The following PAK2 variants were observed in gnomAD, a reference collection of about 807,000 sequenced individuals.
PAK2 encodes the protein serine/threonine-protein kinase PAK 2.
In PAK2, 21 loss-of-function variants were observed where a neutral mutation model predicts 65.9. The observed-to-expected ratio is 0.32, with a 90% CI of 0.23 to 0.46. PAK2 has a LOEUF of 0.46. Ranked by LOEUF, PAK2 falls within the 20% of genes least tolerant of loss-of-function variation. The probability of loss-of-function intolerance (pLI) is 1.00; values close to 1 mark genes in which losing one functional copy is unlikely to be tolerated. For synonymous variants in PAK2, 204 were observed against 219.7 expected (o/e 0.93, Z 0.63); for missense variants, 324 against 642.6 (o/e 0.50, Z 5.36).
At chr3:196,810,959 C>T (rs1715763493) in intron 8 of PAK2, among the ~76,000 whole-genome samples, 2 of 151,942 alleles carry the variant, frequency 1.3e-5, no homozygotes, top group Non-Finnish European at 2.9e-5. Context: ...TACTGCATGA[C>T]TATAAGCAAT....
chr3:196,800,534 C>T (rs746011327), intron 2 of PAK2, among the ~76,000 whole-genome samples: 3 of 152,024 alleles, frequency 2.0e-5, no homozygotes, highest in Non-Finnish European at 4.4e-5. Context: ...CCTCGATTAC[C>T]CAAACAGCTT....
At chr3:196,766,648 C>CA (rs1714178510) in intron 1 of PAK2, among the ~76,000 whole-genome samples, 1 of 151,912 alleles carries the variant, frequency 6.6e-6, no homozygotes, top group Admixed American at 6.6e-5. Flanking sequence ...GCGAATATAC[C>CA]AAAAATATAT....
At chr3:196,777,149 G>A (rs966927167) in intron 1 of PAK2, among the ~76,000 whole-genome samples, 4 of 152,128 alleles carry the variant, frequency 2.6e-5, no homozygotes, top group Non-Finnish European at 4.4e-5. Context: ...TGTATGACAT[G>A]TAATGGGTTT....
rs1711612100 is a variant in PAK2 at position 196,820,591 on chromosome 3, T to G, written c.1350+24T>G. 7.7e-7 allele frequency: 1 copy of G among 1,291,184 alleles called. No homozygotes were observed. 80.0% of individuals were successfully genotyped at this position (1,291,184 alleles called of 1,614,324 possible). ...GGGTAAGATGAGTTAAACACCAGCCTTGTTCAATGTTTTTCTTTGAAACTC... is the reference window on the plus strand; with the variant it reads ...GGGTAAGATGAGTTAAACACCAGCCGTGTTCAATGTTTTTCTTTGAAACTC... On this transcript the variant is annotated intron_variant, in intron 13 of 14. Transcript: ENST00000327134. The surrounding 1 kb of genome is among the most constrained non-coding windows in gnomAD (Gnocchi z 4.6).
chr3:196,801,528 A>G (rs762245527), intron 2 of PAK2, among the ~76,000 whole-genome samples: 1 of 152,198 alleles, frequency 6.6e-6, no homozygotes. Context: ...CTTTGATCCT[A>G]ATATGTTTTA....
intron 4 of PAK2, among the ~76,000 whole-genome samples, chr3:196,803,547 G>A (rs957640549): frequency 3.9e-5 from 6 of 152,138 alleles, no homozygotes; most frequent in Admixed American, 2.6e-4. Context: ...TATTGTTAGC[G>A]GGACAAGAGG....
chr3:196,767,760 C>T (rs900825426), intron 1 of PAK2, among the ~76,000 whole-genome samples: 2 of 152,088 alleles, frequency 1.3e-5, no homozygotes, highest in African/African-American at 4.8e-5. Flanking sequence ...TCCCAGAGTG[C>T]TGGGATTACA....
intron 12 of PAK2, among the ~76,000 whole-genome samples, chr3:196,819,028 C>A (rs73076610): frequency 6.6e-6 from 1 of 151,898 alleles, no homozygotes; most frequent in South Asian, 2.1e-4. Flanking sequence ...ACTTACATAC[C>A]GCAGTAAGTA....
chr3:196,813,427 C>A (rs184072744), intron 10 of PAK2, among the ~76,000 whole-genome samples: 2,589 of 143,238 alleles, frequency 0.018, 154 homozygotes, highest in Admixed American at 0.12. Flanking sequence ...CACTGCACTC[C>A]AGCCTGGGCA....
At chr3:196,763,725 GTAT>G (rs757682475) in intron 1 of PAK2, among the ~76,000 whole-genome samples, 2 of 152,222 alleles carry the variant, frequency 1.3e-5, no homozygotes, top group African/African-American at 2.4e-5. Context: ...ATATAGACAA[GTAT>G]TATTGTCTAT....
intron 4 of PAK2, 145 bp from the exon 5 acceptor site, chr3:196,805,207 A>G (rs1376755565): frequency 3.5e-6 from 2 of 568,742 alleles, no homozygotes; most frequent in African/African-American, 2.0e-5. Context: ...TTATTTGACT[A>G]CTTGCGTGTT....
At chr3:196,752,793 G>T (rs1399269166) in intron 1 of PAK2, among the ~76,000 whole-genome samples, 2 of 151,502 alleles carry the variant, frequency 1.3e-5, no homozygotes, top group East Asian at 3.9e-4. Context: ...TAGAGACAGG[G>T]TTTTGTCGTG....
chr3:196,817,102 G>A (rs563064861), intron 11 of PAK2, among the ~76,000 whole-genome samples: 6 of 150,310 alleles, frequency 4.0e-5, no homozygotes, highest in Admixed American at 2.7e-4. Flanking sequence ...TGAGGAGCCT[G>A]TGCATGTTTA....
rs369935436 is a variant in PAK2, at chr3:196,816,638, C to A, written c.1054-1419C>A. On this transcript the variant is annotated intron_variant, in intron 11 of 14. Coordinates refer to ENST00000327134, the MANE Select transcript of PAK2 (RefSeq NM_002577.4). ...CTGGTAAATGTATTGCGGTAACACC[C>A]AATTTATCTGTTTTTCCTTGAATGA... 5.9e-5 allele frequency among the ~76,000 whole-genome samples: 9 copies of A among 152,194 alleles called. No homozygotes were observed. The East Asian group carries it at 9.6e-4, about 16-fold the overall frequency.
chr3:196,772,764 G>T (rs2108731223), intron 1 of PAK2, among the ~76,000 whole-genome samples: 1 of 152,262 alleles, frequency 6.6e-6, no homozygotes, highest in East Asian at 1.9e-4. Context: ...TTTTGACGGG[G>T]CAGGTGGGGA....
chr3:196,762,524 G>A (rs993304485), intron 1 of PAK2, among the ~76,000 whole-genome samples: 4 of 151,054 alleles, frequency 2.6e-5, no homozygotes, highest in African/African-American at 4.9e-5. Context: ...GCGAAACCTC[G>A]TCTCCACCAA....
chr3:196,799,037 T>A (rs1443471152), intron 2 of PAK2, among the ~76,000 whole-genome samples: 1 of 152,154 alleles, frequency 6.6e-6, no homozygotes, highest in Non-Finnish European at 1.5e-5. Flanking sequence ...AGGGTCTAGC[T>A]AATGTAGTAA....
At chr3:196,785,461 TC>T (rs1389141070) in intron 2 of PAK2, among the ~76,000 whole-genome samples, 2 of 152,152 alleles carry the variant, frequency 1.3e-5, no homozygotes, top group Non-Finnish European at 2.9e-5. Context: ...AGATGAGCGT[TC>T]CCATTGCTGA....
In PAK2 at chr3:196,812,966, G is replaced by A. The variant is rs1038148374; in HGVS notation, c.935+115G>A. On this transcript the variant is annotated intron_variant, in intron 10 of 14. Transcript: ENST00000327134. Reference sequence around the variant, plus strand: ...AACTGTCAGTGCCGAGAAATAAGATGGAAGAAAGAAGAGGAGAGGTAAAAA... The same window carrying A: ...AACTGTCAGTGCCGAGAAATAAGATAGAAGAAAGAAGAGGAGAGGTAAAAA... 5.0e-5 allele frequency: 30 copies of A among 597,396 alleles called. No homozygotes were observed. In the South Asian group the frequency reaches 5.9e-4, roughly 12 times the overall value. The allele number at this position is 597,396 out of a possible 1,614,324, so 37.0% of individuals were successfully genotyped here. A position where few individuals can be genotyped will look rare whatever the true frequency, so the allele number is the denominator to read the frequency against.
Sources: allele counts gnomAD v4.1 joint callset (sites outside exome capture counted in the v4.1 genomes callset), GRCh38; gene constraint gnomAD v4.1.1; non-coding constraint Gnocchi (gnomAD v3.1); transcripts MANE v1.5; gene names NCBI Gene and HGNC (gene_info 2026-07-23, HGNC 2026-07-21).